The following MICAL3 variants were observed in gnomAD, a reference collection of about 807,000 sequenced individuals.
The protein encoded by MICAL3 is microtubule associated monooxygenase, calponin and LIM domain containing 3, also known as [F-actin]-monooxygenase MICAL3.
A neutral mutation model predicts 207.4 loss-of-function variants in MICAL3; 62 were observed. The observed-to-expected ratio is 0.30, with a 90% CI of 0.24 to 0.37. MICAL3 has a LOEUF of 0.37. MICAL3 is among the 10% of genes least tolerant of loss of function. The pLI, the probability that MICAL3 is intolerant of heterozygous loss-of-function variation, is 1.00. For missense variants in MICAL3, 2,368 were observed against 2,635.6 expected, an observed-to-expected ratio of 0.90 and a Z score of 2.22; for synonymous variants, 1,077 against 1,069.3, an observed-to-expected ratio of 1.01 and a Z score of -0.14.
At chr22:17,955,407 C>T (rs888708290) in intron 1 of MICAL3, among the ~76,000 whole-genome samples, 1 of 152,296 alleles carries the variant, frequency 6.6e-6, no homozygotes, top group East Asian at 1.9e-4. Flanking sequence ...CTCCTCCATC[C>T]CACTCTCCAC....
At position 17,790,448 on chromosome 22, in the gene MICAL3, C is replaced by T. The variant is rs2061814625; in HGVS notation, c.*284G>A. The T allele has an allele frequency of 1.9e-5, 8 of 427,122 alleles. No homozygotes were observed. The highest frequency in any genetic ancestry group is 3.7e-5 in the East Asian group (1 of 27,192). 26.5% of individuals were successfully genotyped at this position (427,122 alleles called of 1,614,324 possible). A position where few individuals can be genotyped will look rare whatever the true frequency, so the allele number is the denominator to read the frequency against. On this transcript the variant is annotated 3_prime_UTR_variant, in exon 32 of 32. Transcript: ENST00000441493. Reference sequence around the variant, plus strand: ...GCACAGCCAGCACATCCTCAGGGAGCGCGCGGGGTGGTCCCCTGCGTCATG... The same window carrying T: ...GCACAGCCAGCACATCCTCAGGGAGTGCGCGGGGTGGTCCCCTGCGTCATG...
At chr22:17,826,859 CAGGG>C (rs1024523683) in intron 22 of MICAL3, among the ~76,000 whole-genome samples, 5 of 150,050 alleles carry the variant, frequency 3.3e-5, no homozygotes, top group Non-Finnish European at 7.4e-5. Flanking sequence ...GATTTGGGGC[CAGGG>C]AGGAACAAAC....
At chr22:17,824,083 C>A (rs956125273) in intron 22 of MICAL3, among the ~76,000 whole-genome samples, 1 of 144,962 alleles carries the variant, frequency 6.9e-6, no homozygotes, top group Non-Finnish European at 1.5e-5. Flanking sequence ...CCCCTAAGCA[C>A]GCACACACCG....
chr22:17,935,685 C>T (rs1933482962), intron 1 of MICAL3, among the ~76,000 whole-genome samples: 1 of 152,150 alleles, frequency 6.6e-6, no homozygotes. Context: ...ACCCATCTGA[C>T]AAAGGGCTAA....
At chr22:17,997,749 G>A (rs5992952) in intron 1 of MICAL3, among the ~76,000 whole-genome samples, 4,711 of 152,240 alleles carry the variant, frequency 0.031, 99 homozygotes, top group African/African-American at 0.044. Context: ...CTTGTCATCC[G>A]TAAAACTGGG....
In MICAL3 at chr22:17,849,263, A is replaced by G. The variant is rs78762212; in HGVS notation, c.2606-7246T>C. ...CTCTGAGTCAGTGATGTTGAATAAC[A>G]TGTCCAAAGACTCACATGAGCCAGA... On this transcript the variant is annotated intron_variant, in intron 19 of 31. Transcript: ENST00000441493. 2.3e-3 allele frequency among the ~76,000 whole-genome samples: 356 copies of G among 152,368 alleles called. 1 individual carries two copies. The highest frequency in any genetic ancestry group is 8.2e-3 in the African/African-American group (343 of 41,586).
chr22:17,983,028 C>T (rs1476304706), intron 1 of MICAL3, among the ~76,000 whole-genome samples: 1 of 152,162 alleles, frequency 6.6e-6, no homozygotes, highest in African/African-American at 2.4e-5. Flanking sequence ...CCTGGGAATG[C>T]CTCTGGGCCC....
At chr22:17,864,047 C>T (rs954231954) in intron 19 of MICAL3, 35 of 985,984 alleles carry the variant, frequency 3.5e-5, no homozygotes, top group Non-Finnish European at 4.1e-5. Context: ...TCAGAACACC[C>T]AGCAGTTTGT....
intron 16 of MICAL3, chr22:17,884,462 G>T: frequency 1.2e-6 from 1 of 818,356 alleles, no homozygotes; most frequent in Non-Finnish European, 1.9e-6. Context: ...ACAGGCGACA[G>T]CCCCATATCT....
At chr22:18,003,344 T>C (rs1302804572) in intron 1 of MICAL3, among the ~76,000 whole-genome samples, 1 of 152,134 alleles carries the variant, frequency 6.6e-6, no homozygotes, top group Non-Finnish European at 1.5e-5. Flanking sequence ...TCATAATTTC[T>C]ACTTCTCCAG....
At chr22:17,956,617 C>G (rs1934628227) in intron 1 of MICAL3, among the ~76,000 whole-genome samples, 1 of 152,162 alleles carries the variant, frequency 6.6e-6, no homozygotes, top group Non-Finnish European at 1.5e-5. Flanking sequence ...TGCCGTGAGC[C>G]AAGATCACGC....
chr22:17,936,843 T>G (rs1453418377), intron 1 of MICAL3, among the ~76,000 whole-genome samples: 16 of 152,188 alleles, frequency 1.1e-4, no homozygotes. Context: ...GAGAAGCTTT[T>G]CTGAGTAACT....
chr22:17,836,436 C>A (rs1352509704), intron 20 of MICAL3, among the ~76,000 whole-genome samples: 1 of 152,190 alleles, frequency 6.6e-6, no homozygotes, highest in African/African-American at 2.4e-5. Flanking sequence ...AGGGTCCACA[C>A]GGAGTCATGC....
At chr22:17,875,561 A>G (rs1928217136) in intron 16 of MICAL3, 1 of 1,531,292 alleles carries the variant, frequency 6.5e-7, no homozygotes, top group Non-Finnish European at 8.8e-7. Context: ...CTGGCTATAA[A>G]ATACAAGATG....
intron 20 of MICAL3, among the ~76,000 whole-genome samples, chr22:17,839,240 C>T (rs892745717): frequency 5.3e-5 from 8 of 151,234 alleles, no homozygotes; most frequent in African/African-American, 1.9e-4. Flanking sequence ...TGAGCTACCG[C>T]ACCAGGCCGG....
intron 1 of MICAL3, among the ~76,000 whole-genome samples, chr22:17,931,413 G>C (rs545461650): frequency 1.3e-5 from 2 of 152,194 alleles, no homozygotes; most frequent in African/African-American, 4.8e-5. Flanking sequence ...ACATACTAAG[G>C]AAGAACCACA....
Position 17,986,880 on chromosome 22 carries a change from G to C in MICAL3, c.-75+37401C>G, listed in dbSNP as rs186594464. On this transcript the variant is annotated intron_variant, in intron 1 of 31. Transcript: ENST00000441493. ...CTCTTTTCTCCCATTTATTTCCAAA[G>C]TAGATTACACCAATTTAATTCCATT... Among the ~76,000 whole-genome samples the C allele has an allele frequency of 6.6e-5, 10 of 152,216 alleles. No individual in the cohort carries two copies. The East Asian group carries it at 1.9e-3, about 29-fold the overall frequency.
At chr22:17,877,161 ATGGAG>A in intron 16 of MICAL3, among the ~76,000 whole-genome samples, 1 of 138,662 alleles carries the variant, frequency 7.2e-6, no homozygotes, top group Non-Finnish European at 1.5e-5. Context: ...TAGGGAGGTT[ATGGAG>A]GTTAGGGAGG....
chr22:17,809,639 A>G (rs1400604953), intron 28 of MICAL3, among the ~76,000 whole-genome samples: 1 of 152,166 alleles, frequency 6.6e-6, no homozygotes, highest in East Asian at 1.9e-4. Context: ...CAAACAAAAC[A>G]AAACAAAACA....
Sources: gnomAD v4.1 joint callset for allele counts (sites outside exome capture counted in the v4.1 genomes callset) on GRCh38, gnomAD v4.1.1 for gene constraint, MANE v1.5 for transcripts, NCBI Gene and HGNC (gene_info 2026-07-23, HGNC 2026-07-21) for gene names.